The following SCYL3 variants were observed in gnomAD, a reference collection of about 807,000 sequenced individuals.
SCYL3 encodes protein-associating with the carboxyl-terminal domain of ezrin.
A neutral mutation model predicts 73.8 loss-of-function variants in SCYL3; 35 were observed. The ratio of observed to expected loss-of-function variants is 0.47; its 90% CI spans 0.36 to 0.63. The LOEUF is 0.63. SCYL3 is among the 20% of genes least tolerant of loss of function. The pLI, the probability that SCYL3 is intolerant of heterozygous loss-of-function variation, is 0.00. For synonymous variants in SCYL3, 277 were observed against 295.2 expected, an observed-to-expected ratio of 0.94 and a Z score of 0.63; for missense variants, 712 against 798.9, an observed-to-expected ratio of 0.89 and a Z score of 1.31.
At chr1:169,862,832 C>G (rs990275674) in intron 9 of SCYL3, 35 bp from the exon 10 acceptor site, 35 of 1,603,200 alleles carry the variant, frequency 2.2e-5, no homozygotes, top group Non-Finnish European at 2.9e-5. Flanking sequence ...GATGAAAAAA[C>G]AAATTTTCAT....
chr1:169,880,990 G>C (rs1264185745), intron 2 of SCYL3, among the ~76,000 whole-genome samples: 1 of 152,150 alleles, frequency 6.6e-6, no homozygotes, highest in Non-Finnish European at 1.5e-5. Flanking sequence ...TCGAATTCCT[G>C]ACCTCGGGCA....
chr1:169,852,086 T>C lies in SCYL3; in HGVS notation c.*1627A>G, dbSNP rs1226947659. On this transcript the variant is annotated 3_prime_UTR_variant, in exon 13 of 13. Transcript: ENST00000367771. The stretch of plus-strand genomic sequence containing the variant: ...CATGTAAAATTCTGTTTTATGGTAG[T>C]TGCTTTTAAAATTAAGAAGTGGGAC... The C allele has an allele frequency of 1.2e-5, 13 of 1,093,716 alleles. No individual in the cohort carries two copies. Among genetic ancestry groups the C allele is most frequent in the Non-Finnish European group, 1.7e-5 (13 of 749,316 alleles). The allele number at this position is 1,093,716 out of a possible 1,614,324, so 67.8% of individuals were successfully genotyped here.
At chr1:169,858,511 A>G (rs1041686357) in intron 11 of SCYL3, among the ~76,000 whole-genome samples, 3 of 152,248 alleles carry the variant, frequency 2.0e-5, no homozygotes, top group African/African-American at 4.8e-5. Flanking sequence ...CAGAAGGAAT[A>G]CACTAATGAT....
At chr1:169,863,697 G>A (rs909239528) in intron 9 of SCYL3, among the ~76,000 whole-genome samples, 16 of 152,174 alleles carry the variant, frequency 1.1e-4, no homozygotes, top group African/African-American at 3.9e-4. Flanking sequence ...ACCTACTGAG[G>A]AATAGGATGT....
At chr1:169,855,092 CAA>C (rs891261040) in intron 11 of SCYL3, 128 bp from the exon 12 acceptor site, 26 of 631,746 alleles carry the variant, frequency 4.1e-5, no homozygotes, top group East Asian at 2.8e-4. Flanking sequence ...GCATACTAAA[CAA>C]AAGAGATCCC....
chr1:169,865,522 T>C (rs183965491), intron 8 of SCYL3, among the ~76,000 whole-genome samples: 38 of 152,306 alleles, frequency 2.5e-4, no homozygotes, highest in Admixed American at 7.2e-4. Flanking sequence ...CCCAACTTGA[T>C]TGCAGCTTCA....
At position 169,868,990 on chromosome 1, in the gene SCYL3, C is replaced by T. The variant is rs1294104182; in HGVS notation, c.675G>A (p.Leu225=). The T allele has an allele frequency of 8.1e-6, 13 of 1,614,060 alleles. No homozygotes were observed. The highest frequency in any genetic ancestry group is 5.0e-5 in the Admixed American group (3 of 60,002). ...GCCGACATTTTGGAATGGGATTCAG[C>T]AAAGTTGAGTGCAAGGTCTGTTGAA... is the stretch of plus-strand genomic sequence containing the variant. The part of the protein sequence containing the change: ...SSFQQTLHST[L]LNPIPKCRPA... Residue 225 remains leucine, a synonymous_variant, in exon 7 of 13, where the codon TTG becomes TTA. Transcript: ENST00000367771.
chr1:169,862,548 ACT>A, intron 10 of SCYL3, 63 bp downstream of exon 10: 2 of 1,374,776 alleles, frequency 1.5e-6, no homozygotes, highest in East Asian at 4.5e-5. Context: ...TACCTCCAAA[ACT>A]CTTTCTTTCA....
intron 4 of SCYL3, among the ~76,000 whole-genome samples, chr1:169,874,524 TC>T (rs1259584535): frequency 6.6e-6 from 1 of 151,900 alleles, no homozygotes; most frequent in Non-Finnish European, 1.5e-5. Flanking sequence ...AGAAATGCAT[TC>T]CAGCAACAGA....
Position 169,852,800 on chromosome 1 carries a change from A to G in SCYL3, c.*913T>C. 1 of 1,613,968 alleles carries G rather than the reference A, an allele frequency of 6.2e-7. No homozygotes were observed. The highest frequency in any genetic ancestry group is 2.2e-5 in the East Asian group (1 of 44,882). ...ATGTTTTTTTTCCAGCCTTATGCAA[A>G]AAGAGCTCGTCAGGAGTTCCCCTGG... On this transcript the variant is annotated 3_prime_UTR_variant, in exon 13 of 13. Transcript: ENST00000367771.
chr1:169,876,903 C>T (rs369698466), intron 3 of SCYL3, among the ~76,000 whole-genome samples: 20 of 139,234 alleles, frequency 1.4e-4, no homozygotes, highest in East Asian at 4.2e-4. Context: ...TGCAGTGAGC[C>T]GAGATCACAC....
In SCYL3 at chr1:169,851,844, G is replaced by A. The variant is rs1244924211; in HGVS notation, c.*1869C>T. Reference sequence around the variant, plus strand: ...TGGGTTTGTAGATGAAACTGAAGCTGCCAAAGTGGAACGTGTGAAACAGGA... The same window carrying A: ...TGGGTTTGTAGATGAAACTGAAGCTACCAAAGTGGAACGTGTGAAACAGGA... On this transcript the variant is annotated 3_prime_UTR_variant, in exon 13 of 13. Transcript: ENST00000367771. The A allele has an allele frequency of 1.1e-5, 17 of 1,613,846 alleles. No individual in the cohort carries two copies. Among genetic ancestry groups the A allele is most frequent in the Middle Eastern group, 1.6e-4 (1 of 6,078 alleles).
At position 169,876,093 on chromosome 1, in the gene SCYL3, T is replaced by A; in HGVS notation, c.352-2A>T. On this transcript the variant is annotated splice_acceptor_variant, in intron 3 of 12. Coordinates refer to ENST00000367771, the MANE Select transcript of SCYL3 (RefSeq NM_020423.7). LOFTEE classifies it high-confidence loss of function. The stretch of plus-strand genomic sequence containing the variant: ...GACATTATTGTGTGTTAGGTGTCCC[T>A]GGAAAAAAAAAAGAACAGAAGGAAG... The A allele has an allele frequency of 6.5e-7, 1 of 1,540,168 alleles. No individual in the cohort carries two copies. The highest frequency in any genetic ancestry group is 2.1e-5 in the Admixed American group (1 of 48,712).
intron 2 of SCYL3, among the ~76,000 whole-genome samples, 153 bp from the exon 3 acceptor site, chr1:169,878,972 G>A (rs1358010327): frequency 6.6e-6 from 1 of 152,120 alleles, no homozygotes; most frequent in Non-Finnish European, 1.5e-5. Flanking sequence ...TTTCACATAA[G>A]GCAAAGATCT....
intron 10 of SCYL3, among the ~76,000 whole-genome samples, chr1:169,861,274 G>T (rs1659627490): frequency 6.6e-6 from 1 of 152,140 alleles, no homozygotes; most frequent in South Asian, 2.1e-4. Flanking sequence ...AGGCAAAAAT[G>T]ACTGTCAGTT....
intron 11 of SCYL3, among the ~76,000 whole-genome samples, chr1:169,858,641 C>T (rs923546918): frequency 5.3e-5 from 8 of 152,172 alleles, no homozygotes; most frequent in African/African-American, 1.9e-4. Context: ...GGTTTGTTTA[C>T]ACCAGCATCA....
chr1:169,881,540 T>C (rs895531592), intron 2 of SCYL3, among the ~76,000 whole-genome samples: 1 of 152,224 alleles, frequency 6.6e-6, no homozygotes, highest in African/African-American at 2.4e-5. Flanking sequence ...TTCTATCTTG[T>C]ATCTTCTAAC....
chr1:169,863,841 C>T (rs527349884), intron 9 of SCYL3, among the ~76,000 whole-genome samples: 1 of 152,294 alleles, frequency 6.6e-6, no homozygotes, highest in Non-Finnish European at 1.5e-5. Context: ...CAGGATTCTA[C>T]GTAACTTAAA....
At position 169,854,036 on chromosome 1, in the gene SCYL3, T is replaced by TTTTTC. The variant is rs150574873; in HGVS notation, c.2007+229_2007+233dup. On this transcript the variant is annotated intron_variant, in intron 12 of 12. Coordinates refer to ENST00000367771, the MANE Select transcript of SCYL3 (RefSeq NM_020423.7). ...ACCAAATCCTTATTTTAATCCCTTT[T>TTTTTC]TTTTCTTTTTCAAATAAAAAGGTTA... The TTTTTC allele has an allele frequency of 8.4e-3, 4,739 of 565,774 alleles. 172 individuals carry two copies. Among genetic ancestry groups the TTTTTC allele is most frequent in the African/African-American group, 0.08 (4,173 of 52,076 alleles). The allele number at this position is 565,774 out of a possible 1,614,324, so 35.0% of individuals were successfully genotyped here.
Sources: gnomAD v4.1 joint callset for allele counts (sites outside exome capture counted in the v4.1 genomes callset) on GRCh38, gnomAD v4.1.1 for gene constraint, MANE v1.5 for transcripts, NCBI Gene and HGNC (gene_info 2026-07-23, HGNC 2026-07-21) for gene names.